CYB5R2: variants seen among roughly 807,000 people sequenced by gnomAD.
CYB5R2 encodes the protein NADH-cytochrome b5 reductase 2.
Under a neutral mutation model 29.8 loss-of-function variants are expected in CYB5R2, and 35 were observed. The observed-to-expected ratio is 1.17, with a 90% CI of 0.90 to 1.56. The LOEUF is 1.56. Among genes scored for constraint, CYB5R2 ranks in the 40% most tolerant of loss-of-function variants. The pLI, the probability that CYB5R2 is intolerant of heterozygous loss-of-function variation, is 0.00. For missense variants in CYB5R2, 419 were observed against 346.7 expected (o/e 1.21, Z -1.66); for synonymous variants, 169 against 130.6 (o/e 1.29, Z -2.01).
chr11:7,668,979 A>T (rs112171999), intron 5 of CYB5R2: 4 of 676,728 alleles, frequency 5.9e-6, no homozygotes, highest in Non-Finnish European at 1.1e-5. Flanking sequence ...ATTTTGATAC[A>T]ATGACGAGGA....
chr11:7,669,361 A>G, intron 4 of CYB5R2, 27 bp from the exon 5 acceptor site: 1 of 1,590,918 alleles, frequency 6.3e-7, no homozygotes, highest in Non-Finnish European at 8.6e-7. Context: ...CACTGCTTTC[A>G]CATTCCCAGA....
chr11:7,666,537 A>ATCT lies in CYB5R2; in HGVS notation c.571_572insAGA (p.Asp190_Ile191insLys). 6.2e-7 allele frequency: 1 copy of ATCT among 1,613,046 alleles called. No individual in the cohort carries two copies. The highest frequency in any genetic ancestry group is 8.5e-7 in the Non-Finnish European group (1 of 1,179,158). ...TTCTTCAAGCTCTTTTCTGACCAAG[A>ATCT]TATCCTCCTCTGTCTAGAAAAGAAG... On this transcript the variant is annotated inframe_insertion, in exon 8 of 9. Coordinates refer to ENST00000299498, the MANE Select transcript of CYB5R2 (RefSeq NM_016229.5).
Position 7,665,553 on chromosome 11 carries a change from T to G in CYB5R2, c.659-7A>C, listed in dbSNP as rs748077383. On this transcript the variant is annotated splice_polypyrimidine_tract_variant and splice_region_variant and intron_variant, in intron 8 of 8. Coordinates refer to ENST00000299498, the MANE Select transcript of CYB5R2 (RefSeq NM_016229.5). ...CCTGAGCTGTACTTCCAGCCTGAAA[T>G]GAAGGAGATGCAGGAGCAAGCTGAG... 2 of 1,595,874 alleles carry G rather than the reference T, an allele frequency of 1.3e-6. No individual in the cohort carries two copies. The highest frequency in any genetic ancestry group is 1.7e-6 in the Non-Finnish European group (2 of 1,172,564).
chr11:7,665,962 C>T (rs528700637), intron 8 of CYB5R2: 6 of 1,520,862 alleles, frequency 3.9e-6, no homozygotes, highest in East Asian at 4.9e-5. Flanking sequence ...CAGGTACAGC[C>T]GGGAGCAGTG....
chr11:7,669,872 A>AGCC, intron 3 of CYB5R2, 141 bp from the exon 4 acceptor site: 1 of 692,912 alleles, frequency 1.4e-6, no homozygotes, highest in South Asian at 1.7e-5. Context: ...GCAGGGAAGG[A>AGCC]ACCCAAATAT....
At chr11:7,669,976 TGGG>T (rs1159304609) in intron 3 of CYB5R2, 1 of 482,670 alleles carries the variant, frequency 2.1e-6, no homozygotes, top group African/African-American at 2.0e-5. Context: ...ATCTGTAAAA[TGGG>T]GGTGATATGT....
Position 7,669,463 on chromosome 11 carries a change from A to G in CYB5R2, c.259-129T>C, listed in dbSNP as rs543700517. On this transcript the variant is annotated intron_variant, in intron 4 of 8. Transcript: ENST00000299498. ...TCTCCTCTCTGAATTGTTGTACGCA[A>G]TCCCTGAAGATGAAGCTGCCACAAG... The G allele has an allele frequency of 7.8e-6, 10 of 1,278,128 alleles. No individual in the cohort carries two copies. In the East Asian group the frequency reaches 2.1e-4, roughly 27 times the overall value. The allele number at this position is 1,278,128 out of a possible 1,614,324, so 79.2% of individuals were successfully genotyped here.
chr11:7,665,605 AG>A (rs1298432824), intron 8 of CYB5R2, 59 bp from the exon 9 acceptor site: 5 of 1,519,564 alleles, frequency 3.3e-6, no homozygotes, highest in Non-Finnish European at 1.8e-6. Context: ...TCCTGATCCC[AG>A]GCCGCCTGCA....
At chr11:7,673,036 A>G in intron 1 of CYB5R2, 145 bp from the exon 2 acceptor site, 3 of 773,426 alleles carry the variant, frequency 3.9e-6, no homozygotes, top group Non-Finnish European at 6.1e-6. Context: ...CAGTAGTGAC[A>G]CAGAAGGCGG....
chr11:7,666,601 C>T (rs767797738), intron 7 of CYB5R2, 51 bp from the exon 8 acceptor site: 2 of 1,366,652 alleles, frequency 1.5e-6, no homozygotes, highest in Admixed American at 1.7e-5. Flanking sequence ...TCCTCTTGTT[C>T]CCTGGACTGA....
In CYB5R2 at chr11:7,672,800, A is replaced by T; in HGVS notation, c.26T>A (p.Ile9Asn). MNSRRREP[I>N]TLQDPEAKYP... ...CTTGGCTTCAGGGTCCTGTAAGGTGATTGGCTCTCTCCTCCTGGAGTTCAT... is the reference window on the plus strand; with the variant it reads ...CTTGGCTTCAGGGTCCTGTAAGGTGTTTGGCTCTCTCCTCCTGGAGTTCAT... Residue 9 changes from isoleucine (I) to asparagine (N), a missense_variant, in exon 2 of 9, where the codon ATC becomes AAC. Transcript: ENST00000299498. The T allele has an allele frequency of 6.2e-7, 1 of 1,614,094 alleles. No individual in the cohort carries two copies. The highest frequency in any genetic ancestry group is 1.7e-5 in the Admixed American group (1 of 60,014).
upstream of CYB5R2, chr11:7,673,594 C>T (rs1855896077): frequency 1.0e-6 from 1 of 985,488 alleles, no homozygotes. Flanking sequence ...GGCCCCCAAC[C>T]TCCCGGTCGG....
At chr11:7,665,690 C>T in intron 8 of CYB5R2, 144 bp from the exon 9 acceptor site, 2 of 1,137,180 alleles carry the variant, frequency 1.8e-6, no homozygotes, top group Non-Finnish European at 2.4e-6. Flanking sequence ...CTGCTCCCTG[C>T]AAAAAGCCTC....
rs1323869002 is a variant in CYB5R2 at position 7,665,563 on chromosome 11, G to A, written c.659-17C>T. The A allele has an allele frequency of 5.0e-6, 8 of 1,586,356 alleles. No individual in the cohort carries two copies. In the Admixed American group the frequency reaches 8.8e-5, roughly 18 times the overall value. ...ACTTCCAGCCTGAAATGAAGGAGAT[G>A]CAGGAGCAAGCTGAGCGATGCCAGG... is the stretch of plus-strand genomic sequence containing the variant. On this transcript the variant is annotated splice_polypyrimidine_tract_variant and intron_variant, in intron 8 of 8. Coordinates refer to ENST00000299498, the MANE Select transcript of CYB5R2 (RefSeq NM_016229.5).
upstream of CYB5R2, chr11:7,673,525 C>T (rs755029028): frequency 1.3e-5 from 13 of 985,576 alleles, no homozygotes; most frequent in Non-Finnish European, 1.6e-5. Context: ...CGAGCCGGCC[C>T]GCCCCACTCC....
intron 3 of CYB5R2, 148 bp downstream of exon 3, chr11:7,672,303 C>G (rs1565157058): frequency 1.9e-5 from 12 of 643,716 alleles, no homozygotes; most frequent in Non-Finnish European, 2.7e-5. Flanking sequence ...CATCCATCCC[C>G]CTATCTATCT....
Position 7,672,849 on chromosome 11 carries a change from C to T in CYB5R2, c.-24G>A, listed in dbSNP as rs762743838. Reference sequence around the variant, plus strand: ...ATGCTCTTCAGGACCAACACGAGCACAGTGACCCCAGTGACGGTGATGGTC... The same window carrying T: ...ATGCTCTTCAGGACCAACACGAGCATAGTGACCCCAGTGACGGTGATGGTC... On this transcript the variant is annotated 5_prime_UTR_variant, in exon 2 of 9. In the 5' UTR this introduces an upstream ATG that the reference lacks. Coordinates refer to ENST00000299498, the MANE Select transcript of CYB5R2 (RefSeq NM_016229.5). The T allele has an allele frequency of 6.2e-7, 1 of 1,614,046 alleles. No homozygotes were observed. The highest frequency in any genetic ancestry group is 8.5e-7 in the Non-Finnish European group (1 of 1,179,964).
Position 7,665,162 on chromosome 11 carries a change from T to C in CYB5R2, c.*212A>G, listed in dbSNP as rs922383328. 2 of 458,842 alleles carry C rather than the reference T, an allele frequency of 4.4e-6. No individual in the cohort carries two copies. The highest frequency in any genetic ancestry group is 3.9e-5 in the Admixed American group (1 of 25,484). The allele number at this position is 458,842 out of a possible 1,614,324, so 28.4% of individuals were successfully genotyped here. ...GGAGAAAGATACTGAAATGGAGCTC[T>C]TTCCAGCCTCCAAGCAAGGAGGCCC... On this transcript the variant is annotated 3_prime_UTR_variant, in exon 9 of 9. Coordinates refer to ENST00000299498, the MANE Select transcript of CYB5R2 (RefSeq NM_016229.5).
chr11:7,669,373 A>G, intron 4 of CYB5R2, 39 bp from the exon 5 acceptor site: 4 of 1,582,648 alleles, frequency 2.5e-6, no homozygotes, highest in Non-Finnish European at 3.4e-6. Context: ...ATTCCCAGAC[A>G]CAATGCCACA....
Sources: allele counts gnomAD v4.1 joint callset, GRCh38; gene constraint gnomAD v4.1.1; transcripts MANE v1.5; gene names NCBI Gene and HGNC (gene_info 2026-07-23, HGNC 2026-07-21).